ATP1B1: variants seen among roughly 807,000 people sequenced by gnomAD.
The protein encoded by ATP1B1 is sodium/potassium-transporting ATPase subunit beta-1.
A neutral mutation model predicts 39.6 loss-of-function variants in ATP1B1; 3 were observed. The observed-to-expected ratio is 0.08, with a 90% CI of 0.03 to 0.20. ATP1B1 has a LOEUF of 0.20. Among genes scored for constraint, ATP1B1 ranks in the 10% least tolerant of loss-of-function variants. ATP1B1 has a pLI of 1.00. For missense variants in ATP1B1, 216 were observed against 371.1 expected, an observed-to-expected ratio of 0.58 and a Z score of 3.43; for synonymous variants, 139 against 135.0, an observed-to-expected ratio of 1.03 and a Z score of -0.20.
chr1:169,122,017 C>G (rs922965746), intron 2 of ATP1B1, among the ~76,000 whole-genome samples: 2 of 152,180 alleles, frequency 1.3e-5, no homozygotes, highest in African/African-American at 4.8e-5. Context: ...CCTGCCTTGT[C>G]TTTCCCAAGC....
intron 2 of ATP1B1, among the ~76,000 whole-genome samples, chr1:169,112,412 G>A (rs573941224): frequency 6.6e-6 from 1 of 152,368 alleles, no homozygotes; most frequent in Admixed American, 6.5e-5. Context: ...GAGAGAAAGT[G>A]TTGCATAACT....
intron 2 of ATP1B1, 98 bp downstream of exon 2, chr1:169,111,596 A>G (rs1657732642): frequency 6.7e-7 from 1 of 1,489,080 alleles, no homozygotes; most frequent in East Asian, 2.3e-5. Context: ...TCTATAATGT[A>G]GTCTTAAAGC....
intron 2 of ATP1B1, among the ~76,000 whole-genome samples, chr1:169,124,309 T>TTA (rs1557951338): frequency 6.6e-6 from 1 of 152,228 alleles, no homozygotes; most frequent in Non-Finnish European, 1.5e-5. Flanking sequence ...CCCAAATTCT[T>TTA]CCCGTTTAGT....
chr1:169,124,437 A>G (rs568473205), intron 2 of ATP1B1, among the ~76,000 whole-genome samples: 77 of 152,340 alleles, frequency 5.1e-4, no homozygotes, highest in African/African-American at 1.7e-3. Flanking sequence ...CAAGGCTTAC[A>G]CGTAATTAGG....
intron 4 of ATP1B1, among the ~76,000 whole-genome samples, chr1:169,129,411 C>T (rs1283475064): frequency 6.6e-6 from 1 of 152,162 alleles, no homozygotes; most frequent in Admixed American, 6.5e-5. Context: ...GTGGATTCAC[C>T]CCTTCAAGAC....
intron 2 of ATP1B1, among the ~76,000 whole-genome samples, chr1:169,115,205 AAAAG>A (rs1657816728): frequency 3.2e-5 from 4 of 125,598 alleles, no homozygotes; most frequent in African/African-American, 5.0e-5. Flanking sequence ...AAAAAGAAAA[AAAAG>A]GGGGGTGGGG....
At chr1:169,124,094 C>T (rs1000574431) in intron 2 of ATP1B1, among the ~76,000 whole-genome samples, 2 of 152,172 alleles carry the variant, frequency 1.3e-5, no homozygotes, top group East Asian at 1.9e-4. Context: ...CTTTTCCAAC[C>T]ATTGCTCCTG....
chr1:169,111,279 A>C, intron 1 of ATP1B1, 91 bp from the exon 2 acceptor site: 1 of 1,537,288 alleles, frequency 6.5e-7, no homozygotes, highest in Non-Finnish European at 8.8e-7. Flanking sequence ...CGGGGGAACC[A>C]GGAAGGAAGC....
rs1287856865 is a variant in ATP1B1 at position 169,115,524 on chromosome 1, T to C, written c.226+4026T>C. 2.0e-5 allele frequency among the ~76,000 whole-genome samples: 3 copies of C among 151,916 alleles called. No individual in the cohort carries two copies. The East Asian group carries it at 5.9e-4, about 30-fold the overall frequency. Reference sequence around the variant, plus strand: ...CCACCATGCCCAGCTAATTTTTGTATTTTTAGTAGAGATGGGGTTTCACCA... The same window carrying C: ...CCACCATGCCCAGCTAATTTTTGTACTTTTAGTAGAGATGGGGTTTCACCA... On this transcript the variant is annotated intron_variant, in intron 2 of 5. Coordinates refer to ENST00000367815, the MANE Select transcript of ATP1B1 (RefSeq NM_001677.4).
At chr1:169,111,037 G>T (rs550812536) in intron 1 of ATP1B1, among the ~76,000 whole-genome samples, 1 of 152,262 alleles carries the variant, frequency 6.6e-6, no homozygotes, top group South Asian at 2.1e-4. Flanking sequence ...GATTTTATTG[G>T]TGATCTTCAT....
intron 1 of ATP1B1, chr1:169,110,492 A>G (rs1657703619): frequency 2.2e-6 from 1 of 455,836 alleles, no homozygotes; most frequent in Non-Finnish European, 3.6e-6. Context: ...GCCTGTTACT[A>G]TGCAGCTAAT....
chr1:169,122,117 A>C (rs1657990558), intron 2 of ATP1B1, among the ~76,000 whole-genome samples: 1 of 152,180 alleles, frequency 6.6e-6, no homozygotes, highest in African/African-American at 2.4e-5. Flanking sequence ...AGGTTCCTGC[A>C]GACCTCCTGC....
intron 4 of ATP1B1, 120 bp from the exon 5 acceptor site, chr1:169,129,890 G>T: frequency 1.2e-6 from 1 of 832,864 alleles, no homozygotes; most frequent in Non-Finnish European, 1.8e-6. Context: ...GATGTCTTTT[G>T]TTATTTTGGT....
At chr1:169,119,025 TA>T (rs1314288203) in intron 2 of ATP1B1, among the ~76,000 whole-genome samples, 2 of 152,206 alleles carry the variant, frequency 1.3e-5, no homozygotes, top group Non-Finnish European at 2.9e-5. Context: ...TGCTACATTA[TA>T]AACCTAAAGA....
intron 2 of ATP1B1, among the ~76,000 whole-genome samples, chr1:169,120,810 C>T (rs1018484749): frequency 3.3e-5 from 5 of 152,292 alleles, no homozygotes; most frequent in East Asian, 1.9e-4. Context: ...TCTTATTTGC[C>T]CCGTCTAGAG....
In ATP1B1 at chr1:169,119,732, C is replaced by T. The variant is rs112781788; in HGVS notation, c.227-5152C>T. ...TATGTTCTAGTAACCCATTGTAAGT[C>T]GAAAATACTGTGAGTCAAAAATGCA... On this transcript the variant is annotated intron_variant, in intron 2 of 5. Coordinates refer to ENST00000367815, the MANE Select transcript of ATP1B1 (RefSeq NM_001677.4). Among the ~76,000 whole-genome samples the T allele has an allele frequency of 6.4e-4, 97 of 152,118 alleles. 1 individual carries two copies. The highest frequency in any genetic ancestry group is 2.1e-3 in the African/African-American group (88 of 41,482).
At chr1:169,110,818 A>C (rs74424276) in intron 1 of ATP1B1, 2 of 554,618 alleles carry the variant, frequency 3.6e-6, no homozygotes, top group Non-Finnish European at 5.4e-6. Flanking sequence ...AGTAAAAAAA[A>C]CAGGAGGATA....
chr1:169,113,808 C>T (rs1284035527), intron 2 of ATP1B1, among the ~76,000 whole-genome samples: 1 of 152,166 alleles, frequency 6.6e-6, no homozygotes, highest in Non-Finnish European at 1.5e-5. Flanking sequence ...GCATTCCTGT[C>T]CTGTGGTCTG....
chr1:169,127,319 T>G lies in ATP1B1; in HGVS notation c.478T>G (p.Ser160Ala). ...RFKLEWLGNC[S>A]GLNDETYGYK... ...CAAGCTTGAATGGCTGGGAAATTGC[T>G]CTGGATTAAATGATGAAACTTATGG... Residue 160 changes from serine to alanine, a missense_variant, in exon 4 of 6, where the codon TCT becomes GCT. By Grantham distance (99) the Ser-to-Ala change is moderately conservative. Coordinates refer to ENST00000367815, the MANE Select transcript of ATP1B1 (RefSeq NM_001677.4). 6.2e-7 allele frequency: 1 copy of G among 1,611,976 alleles called. No homozygotes were observed. Among genetic ancestry groups the G allele is most frequent in the South Asian group, 1.1e-5 (1 of 90,410 alleles).
Sources: allele counts gnomAD v4.1 joint callset (sites outside exome capture counted in the v4.1 genomes callset), GRCh38; gene constraint gnomAD v4.1.1; transcripts MANE v1.5; gene names NCBI Gene and HGNC (gene_info 2026-07-23, HGNC 2026-07-21).